The following HCLS1 variants were observed in gnomAD, a reference collection of about 807,000 sequenced individuals.
The protein encoded by HCLS1 is hematopoietic cell-specific Lyn substrate 1, also known as hematopoietic lineage cell-specific protein.
Under a neutral mutation model 68.6 loss-of-function variants are expected in HCLS1, and 44 were observed. That is an observed-to-expected ratio of 0.64 (90% CI 0.50 to 0.82). The LOEUF is 0.82. Ranked by LOEUF, HCLS1 falls within the 40% of genes least tolerant of loss-of-function variation. The probability of loss-of-function intolerance (pLI) is 0.00; values close to 1 mark genes in which losing one functional copy is unlikely to be tolerated. For synonymous variants in HCLS1, 217 were observed against 225.8 expected, an observed-to-expected ratio of 0.96 and a Z score of 0.35; for missense variants, 602 against 612.1, an observed-to-expected ratio of 0.98 and a Z score of 0.17.
chr3:121,633,034 G>T (rs1191615697), intron 11 of HCLS1, 33 bp downstream of exon 11: 20 of 1,428,670 alleles, frequency 1.4e-5, no homozygotes, highest in Non-Finnish European at 2.0e-5. Context: ...AGAAGATGGG[G>T]TGGGGGCAGA....
intron 3 of HCLS1, among the ~76,000 whole-genome samples, chr3:121,656,558 G>A (rs1937875282): frequency 6.8e-6 from 1 of 147,760 alleles, no homozygotes; most frequent in African/African-American, 2.5e-5. Flanking sequence ...TTATCTTCTG[G>A]TATCGGAGGG....
At chr3:121,653,283 G>A (rs1937790071) in intron 3 of HCLS1, among the ~76,000 whole-genome samples, 3 of 152,100 alleles carry the variant, frequency 2.0e-5, no homozygotes, top group Admixed American at 2.0e-4. Context: ...GTATCATGTG[G>A]GCTTTCAAAA....
intron 6 of HCLS1, 23 bp from the exon 7 acceptor site, chr3:121,637,279 G>T: frequency 6.6e-7 from 1 of 1,522,328 alleles, no homozygotes; most frequent in Non-Finnish European, 9.1e-7. Context: ...GAGCAGTCAT[G>T]AGAGCCCACC....
rs144548256 is a variant in HCLS1 at position 121,647,254 on chromosome 3, T to C, written c.288+65A>G. ...CCTTGGCCTTCCAAAGTGCTGGGATTACAGGCGTGAGCCACCGCACCCGGC... is the reference window on the plus strand; with the variant it reads ...CCTTGGCCTTCCAAAGTGCTGGGATCACAGGCGTGAGCCACCGCACCCGGC... On this transcript the variant is annotated intron_variant, in intron 4 of 13. Transcript: ENST00000314583. The C allele has an allele frequency of 3.6e-4, 560 of 1,563,812 alleles. 6 individuals are homozygous for C. In the East Asian group the frequency reaches 0.012, roughly 33 times the overall value.
chr3:121,631,647 A>T lies in HCLS1; in HGVS notation c.*199T>A. On this transcript the variant is annotated 3_prime_UTR_variant, in exon 14 of 14. Coordinates refer to ENST00000314583, the MANE Select transcript of HCLS1 (RefSeq NM_005335.6). Reference sequence around the variant, plus strand: ...ACACAAGAGAAATGTTCATGAGCTCATCCAGGATAGAGAGGACTCTTGGGG... The same window carrying T: ...ACACAAGAGAAATGTTCATGAGCTCTTCCAGGATAGAGAGGACTCTTGGGG... The T allele has an allele frequency of 1.7e-6, 1 of 585,614 alleles. No homozygotes were observed. Among genetic ancestry groups the T allele is most frequent in the East Asian group, 2.9e-5 (1 of 34,804 alleles). The allele number at this position is 585,614 out of a possible 1,614,324, so 36.3% of individuals were successfully genotyped here. A position where few individuals can be genotyped will look rare whatever the true frequency, so the allele number is the denominator to read the frequency against.
chr3:121,634,263 T>C lies in HCLS1; in HGVS notation c.847A>G (p.Ile283Val), dbSNP rs141595315. 1.9e-6 allele frequency: 3 copies of C among 1,614,100 alleles called. No homozygotes were observed. The highest frequency in any genetic ancestry group is 2.5e-6 in the Non-Finnish European group (3 of 1,180,060). Residue 283 changes from isoleucine (I) to valine (V), a missense_variant, in exon 10 of 14, where the codon ATA (isoleucine) becomes GTA (valine). By Grantham distance (29) the Ile-to-Val change is conservative. Transcript: ENST00000314583. The stretch of plus-strand genomic sequence containing the variant: ...GGTACTGCTGGCTCTTCCATAGCTA[T>C]CACTGGCTGTGGAGCCTCAGGGCTC... ...KRSPEAPQPV[I>V]AMEEPAVPAP...
intron 5 of HCLS1, 103 bp downstream of exon 5, chr3:121,644,715 T>A (rs758780348): frequency 1.2e-6 from 1 of 851,360 alleles, no homozygotes; most frequent in South Asian, 1.3e-5. Flanking sequence ...GCATCCACTG[T>A]CCTGTCTTTC....
At position 121,634,339 on chromosome 3, in the gene HCLS1, C is replaced by A. The variant is rs761641478; in HGVS notation, c.771G>T (p.Lys257Asn). The change falls in exon 10 of 14, where the codon AAG becomes AAT. Residue 257 changes from lysine (K) to asparagine (N), a missense_variant. Lys to Asn is a moderately conservative substitution (Grantham distance 94, BLOSUM62 0). Transcript: ENST00000314583. ...GTTGCCTCCTGGCCACCTGCTGTGC[C>A]TTCTCCTCTTCCTCTCGCTTCCTCT... is the stretch of plus-strand genomic sequence containing the variant. ...EEKRKREEEE[K>N]AQQVARRQQE... The A allele has an allele frequency of 8.7e-6, 14 of 1,614,052 alleles. No homozygotes were observed. The highest frequency in any genetic ancestry group is 9.3e-6 in the Non-Finnish European group (11 of 1,180,014).
intron 3 of HCLS1, among the ~76,000 whole-genome samples, chr3:121,655,822 C>CCATT (rs1251728371): frequency 7.8e-6 from 1 of 127,504 alleles, no homozygotes; most frequent in Non-Finnish European, 1.7e-5. Context: ...TTAATTGAAA[C>CCATT]CATTTATTTA....
chr3:121,644,835 T>C lies in HCLS1; in HGVS notation c.382A>G (p.Arg128Gly), dbSNP rs2049230333. ...KGFGGKYGVE[R>G]DRADKSAVGF... ...TCACTTACCTTGTCTGCCCTGTCCC[T>C]CTCAACTCCGTACTTGCCCCCAAAG... Residue 128 changes from arginine to glycine, a missense_variant, in exon 5 of 14, where the codon AGG becomes GGG. Coordinates refer to ENST00000314583, the MANE Select transcript of HCLS1 (RefSeq NM_005335.6). 6.2e-7 allele frequency: 1 copy of C among 1,613,466 alleles called. No individual in the cohort carries two copies. Among genetic ancestry groups the C allele is most frequent in the Admixed American group, 1.7e-5 (1 of 59,994 alleles).
intron 4 of HCLS1, among the ~76,000 whole-genome samples, chr3:121,646,654 C>A (rs1937611878): frequency 3.7e-5 from 4 of 108,742 alleles, no homozygotes; most frequent in Non-Finnish European, 5.2e-5. Flanking sequence ...ATTATATATA[C>A]TTATAATATA....
At chr3:121,655,335 C>T (rs1937836948) in intron 3 of HCLS1, 1 of 152,114 alleles carries the variant, frequency 6.6e-6, no homozygotes, top group Admixed American at 6.6e-5. Flanking sequence ...AAACTAACAT[C>T]ACTGAGCTGC....
chr3:121,646,985 AT>A (rs1272121152), intron 4 of HCLS1, among the ~76,000 whole-genome samples: 22 of 138,954 alleles, frequency 1.6e-4, no homozygotes, highest in Non-Finnish European at 2.2e-4. Flanking sequence ...TATTTTATTT[AT>A]TTTTTTTTTT....
intron 8 of HCLS1, 83 bp from the exon 9 acceptor site, chr3:121,635,887 C>T: frequency 9.6e-7 from 1 of 1,041,114 alleles, no homozygotes; most frequent in East Asian, 2.4e-5. Context: ...GGGTTGGGGG[C>T]CACTATAAGA....
At chr3:121,651,718 C>A (rs969208246) in intron 3 of HCLS1, among the ~76,000 whole-genome samples, 40 of 152,298 alleles carry the variant, frequency 2.6e-4, no homozygotes, top group Middle Eastern at 3.4e-3. Context: ...CTGCACCCAG[C>A]TAAATTTAAA....
intron 3 of HCLS1, among the ~76,000 whole-genome samples, chr3:121,651,450 T>C (rs1462741967): frequency 1.3e-5 from 2 of 152,224 alleles, no homozygotes; most frequent in Middle Eastern, 3.2e-3. Flanking sequence ...GTTTTGTTTG[T>C]CTTTTAGAGA....
intron 7 of HCLS1, 48 bp from the exon 8 acceptor site, chr3:121,636,537 T>C (rs1417557499): frequency 7.1e-7 from 1 of 1,407,922 alleles, no homozygotes. Context: ...ATGCTGGGAA[T>C]GGGTGGTGAG....
At chr3:121,649,152 T>A (rs1182609071) in intron 3 of HCLS1, among the ~76,000 whole-genome samples, 1 of 152,128 alleles carries the variant, frequency 6.6e-6, no homozygotes, top group Non-Finnish European at 1.5e-5. Flanking sequence ...ATCATACCAA[T>A]GATATAATTT....
intron 6 of HCLS1, 131 bp from the exon 7 acceptor site, chr3:121,637,387 A>C (rs568809189): frequency 7.8e-6 from 5 of 637,372 alleles, no homozygotes; most frequent in African/African-American, 5.5e-5. Context: ...GCTTGAATAC[A>C]GGGGAATTAA....
Sources: allele counts gnomAD v4.1 joint callset (sites outside exome capture counted in the v4.1 genomes callset), GRCh38; gene constraint gnomAD v4.1.1; transcripts MANE v1.5; gene names NCBI Gene and HGNC (gene_info 2026-07-23, HGNC 2026-07-21).